The following DOK7 variants were observed in gnomAD, a reference collection of about 807,000 sequenced individuals.
DOK7 encodes the protein docking protein 7, also known as protein Dok-7.
In DOK7, 32 loss-of-function variants were observed where a neutral mutation model predicts 30.7. The observed-to-expected ratio is 1.04, with a 90% confidence interval of 0.79 to 1.40. The LOEUF is 1.40. DOK7 is among the 40% of genes most tolerant of loss of function. The probability of loss-of-function intolerance (pLI) is 0.00; values close to 1 mark genes in which losing one functional copy is unlikely to be tolerated. For missense variants in DOK7, 1,007 were observed against 699.2 expected, an observed-to-expected ratio of 1.44 and a Z score of -4.97; for synonymous variants, 447 against 324.1, an observed-to-expected ratio of 1.38 and a Z score of -4.07.
At position 3,493,698 on chromosome 4, in the gene DOK7, G is replaced by C; in HGVS notation, c.*197G>C. The C allele has an allele frequency of 7.0e-7, 1 of 1,437,290 alleles. No homozygotes were observed. The highest frequency in any genetic ancestry group is 1.5e-5 in the South Asian group (1 of 66,702). The allele number at this position is 1,437,290 out of a possible 1,614,324, so 89.0% of individuals were successfully genotyped here. A position where few individuals can be genotyped will look rare whatever the true frequency, so the allele number is the denominator to read the frequency against. ...GGGCTGACTTGGGGAGGTGAGTTCT[G>C]GAAGGCAGGGGCTCTGGGTCCGGCA... On this transcript the variant is annotated 3_prime_UTR_variant, in exon 7 of 7. Transcript: ENST00000340083.
At chr4:3,470,485 C>T (rs948487115) in intron 2 of DOK7, among the ~76,000 whole-genome samples, 3 of 152,234 alleles carry the variant, frequency 2.0e-5, no homozygotes, top group Admixed American at 1.3e-4. Flanking sequence ...CGAGGGGTGG[C>T]GTCCGTGAAT....
At chr4:3,464,259 G>C (rs1019545272) in intron 2 of DOK7, among the ~76,000 whole-genome samples, 2 of 152,204 alleles carry the variant, frequency 1.3e-5, no homozygotes, top group Non-Finnish European at 2.9e-5. Flanking sequence ...ATGGGGGGCT[G>C]TACGCCAGGG....
chr4:3,470,835 C>G (rs1306776584), intron 2 of DOK7, among the ~76,000 whole-genome samples: 1 of 152,242 alleles, frequency 6.6e-6, no homozygotes, highest in East Asian at 1.9e-4. Context: ...CCAGTCCTGA[C>G]TGTATTATTG....
chr4:3,488,779 C>T (rs116664635), intron 5 of DOK7, among the ~76,000 whole-genome samples: 11,277 of 151,324 alleles, frequency 0.075, 590 homozygotes, highest in Non-Finnish European at 0.11. Context: ...TTTGCTCTTG[C>T]GGGTGTGGCT....
chr4:3,496,808 T>C (rs1728935155), downstream of DOK7: 2 of 1,535,406 alleles, frequency 1.3e-6, no homozygotes, highest in South Asian at 2.4e-5. Flanking sequence ...ACCCAGGTTC[T>C]CTTTGGTCTA....
intron 4 of DOK7, 42 bp from the exon 5 acceptor site, chr4:3,485,497 G>A (rs748541478): frequency 1.1e-5 from 17 of 1,491,544 alleles, no homozygotes; most frequent in Non-Finnish European, 1.4e-5. Flanking sequence ...TCCCCAGCCC[G>A]CCCTCGGGCC....
At chr4:3,491,737 G>A (rs533651933) in intron 6 of DOK7, among the ~76,000 whole-genome samples, 1 of 152,258 alleles carries the variant, frequency 6.6e-6, no homozygotes, top group Non-Finnish European at 1.5e-5. Context: ...CTCTAAGGCA[G>A]GTGAGCTGGC....
intron 2 of DOK7, among the ~76,000 whole-genome samples, chr4:3,466,617 C>A (rs1359725627): frequency 6.6e-6 from 1 of 152,206 alleles, no homozygotes; most frequent in Non-Finnish European, 1.5e-5. Flanking sequence ...AACAGGGCGA[C>A]CTTCCCTCAG....
At chr4:3,472,876 C>G (rs6834161) in intron 2 of DOK7, among the ~76,000 whole-genome samples, 4 of 149,900 alleles carry the variant, frequency 2.7e-5, no homozygotes, top group African/African-American at 1.0e-4. Context: ...TCCCCTACCC[C>G]CTGGGGCTGA....
chr4:3,499,341 T>TG (rs1006109073), downstream of DOK7, among the ~76,000 whole-genome samples: 20 of 151,828 alleles, frequency 1.3e-4, no homozygotes, highest in South Asian at 6.2e-4. Flanking sequence ...GCTCAGGGAA[T>TG]GGGGGGGGAC....
chr4:3,493,818 C>CCTTGCACTGGGGTGCCAAG lies in DOK7; in HGVS notation c.*318_*336dup. 1 of 1,263,740 alleles carries CCTTGCACTGGGGTGCCAAG rather than the reference C, an allele frequency of 7.9e-7. No homozygotes were observed. The highest frequency in any genetic ancestry group is 1.0e-6 in the Non-Finnish European group (1 of 1,003,300). The allele number at this position is 1,263,740 out of a possible 1,614,324, so 78.3% of individuals were successfully genotyped here. A position where few individuals can be genotyped will look rare whatever the true frequency, so the allele number is the denominator to read the frequency against. ...AGTGCTGCACCTCTGTTGGCTCGTG[C>CCTTGCACTGGGGTGCCAAG]CTTGCACTGGGGTGCCAAGGGCTGG... On this transcript the variant is annotated 3_prime_UTR_variant, in exon 7 of 7. Transcript: ENST00000340083.
intron 3 of DOK7, 152 bp from the exon 4 acceptor site, chr4:3,476,190 C>CCT: frequency 1.4e-6 from 1 of 722,390 alleles, no homozygotes; most frequent in South Asian, 1.7e-5. Context: ...CCTCGATGCC[C>CCT]TCTCACCTCA....
downstream of DOK7, among the ~76,000 whole-genome samples, chr4:3,498,109 C>T (rs1729011151): frequency 1.3e-5 from 2 of 151,990 alleles, no homozygotes; most frequent in Non-Finnish European, 2.9e-5. Context: ...GTGGTAGCGT[C>T]GGGCTGCCAG....
downstream of DOK7, chr4:3,496,681 G>C: frequency 1.2e-6 from 1 of 856,018 alleles, no homozygotes; most frequent in Non-Finnish European, 1.8e-6. Flanking sequence ...GGTATGGCGG[G>C]CTGGACTCCC....
chr4:3,500,940 A>G (rs1729157357), exon 8 of DOK7: 3 of 1,408,980 alleles, frequency 2.1e-6, no homozygotes, highest in Admixed American at 2.9e-5. Context: ...TCCCAGTCGC[A>G]GGAGCAGGCA....
chr4:3,463,452 G>A (rs781051112), intron 1 of DOK7, 23 bp downstream of exon 1: 2 of 388,676 alleles, frequency 5.1e-6, no homozygotes, highest in African/African-American at 6.1e-5. Flanking sequence ...CGGGGGCGCG[G>A]GGGGGGGGGG....
exon 8 of DOK7, chr4:3,501,194 C>CA (rs1298450536): frequency 3.6e-6 from 1 of 276,804 alleles, no homozygotes; most frequent in Non-Finnish European, 6.9e-6. Context: ...ACCGCCCTCT[C>CA]ACCCTGGGGG....
At chr4:3,489,558 C>A (rs567416132) in intron 5 of DOK7, 119 bp from the exon 6 acceptor site, 9 of 1,504,590 alleles carry the variant, frequency 6.0e-6, no homozygotes, top group Non-Finnish European at 8.1e-6. Context: ...AGCGGGGACT[C>A]CCAGGGGACT....
At chr4:3,473,662 C>G in intron 3 of DOK7, 26 bp downstream of exon 3, 1 of 1,520,474 alleles carries the variant, frequency 6.6e-7, no homozygotes, top group Non-Finnish European at 8.9e-7. Context: ...CGGGGCCGGG[C>G]GGGGGCTCCC....
Sources: gnomAD v4.1 joint callset for allele counts (sites outside exome capture counted in the v4.1 genomes callset) on GRCh38, gnomAD v4.1.1 for gene constraint, MANE v1.5 for transcripts, NCBI Gene and HGNC (gene_info 2026-07-23, HGNC 2026-07-21) for gene names.